Variants in PDGFC observed in about 807,000 individuals in gnomAD.
PDGFC encodes the protein platelet-derived growth factor C.
Under a neutral mutation model 35.5 loss-of-function variants are expected in PDGFC, and 12 were observed. That is an observed-to-expected ratio of 0.34 (90% CI 0.22 to 0.55). The LOEUF (loss-of-function observed/expected upper bound fraction) is 0.55, where lower values mean the gene tolerates loss of function less well. Among genes scored for constraint, PDGFC ranks in the 20% least tolerant of loss-of-function variants. The pLI, the probability that PDGFC is intolerant of heterozygous loss-of-function variation, is 0.91. For synonymous variants in PDGFC, 159 were observed against 148.8 expected (o/e 1.07, Z -0.50); for missense variants, 322 against 412.4 (o/e 0.78, Z 1.90).
intron 1 of PDGFC, among the ~76,000 whole-genome samples, chr4:156,939,109 T>C (rs1012553661): frequency 1.3e-5 from 2 of 152,018 alleles, no homozygotes; most frequent in Non-Finnish European, 2.9e-5. Flanking sequence ...AGCCTTAAGA[T>C]GAATAAAGGC....
intron 3 of PDGFC, among the ~76,000 whole-genome samples, chr4:156,805,547 G>A (rs899314530): frequency 4.6e-5 from 7 of 151,926 alleles, no homozygotes; most frequent in African/African-American, 1.7e-4. Flanking sequence ...CTGTAGGATT[G>A]GTGTTATTAT....
At chr4:156,780,625 G>A (rs543556399) in intron 3 of PDGFC, among the ~76,000 whole-genome samples, 4 of 152,276 alleles carry the variant, frequency 2.6e-5, no homozygotes, top group African/African-American at 9.6e-5. Flanking sequence ...TTGAGTGGAA[G>A]GCCTTACTTT....
At position 156,850,101 on chromosome 4, in the gene PDGFC, C is replaced by CT. The variant is rs959942161; in HGVS notation, c.314+119dup. 8.6e-5 allele frequency: 45 copies of CT among 523,566 alleles called. No homozygotes were observed. The Admixed American group carries it at 1.2e-3, about 14-fold the overall frequency. The allele number at this position is 523,566 out of a possible 1,614,324, so 32.4% of individuals were successfully genotyped here. A position where few individuals can be genotyped will look rare whatever the true frequency, so the allele number is the denominator to read the frequency against. On this transcript the variant is annotated intron_variant, in intron 2 of 5. Transcript: ENST00000502773. ...ATAGCTTCAATAAGGCTGGAAATTTCTTAGATCATCAGAAAAATAAAACAA... is the reference window on the plus strand; with the variant it reads ...ATAGCTTCAATAAGGCTGGAAATTTCTTTAGATCATCAGAAAAATAAAACAA...
At chr4:156,927,069 C>T (rs1283777514) in intron 1 of PDGFC, among the ~76,000 whole-genome samples, 2 of 152,208 alleles carry the variant, frequency 1.3e-5, no homozygotes, top group Non-Finnish European at 2.9e-5. Flanking sequence ...CATGTGGAAG[C>T]TGCAAGGTTT....
Position 156,875,529 on chromosome 4 carries a change from A to G in PDGFC, c.119-25113T>C, listed in dbSNP as rs539586482. On this transcript the variant is annotated intron_variant, in intron 1 of 5. Coordinates refer to ENST00000502773, the MANE Select transcript of PDGFC (RefSeq NM_016205.3). The stretch of plus-strand genomic sequence containing the variant: ...GTCTCTTCATTCAAGCAAGGTAAAT[A>G]GTAAAATAAATATATGAAGACTATG... Among the ~76,000 whole-genome samples the G allele has an allele frequency of 1.1e-3, 175 of 152,340 alleles. 1 individual carries two copies. The highest frequency in any genetic ancestry group is 2.3e-3 in the Non-Finnish European group (155 of 68,026).
intron 1 of PDGFC, among the ~76,000 whole-genome samples, chr4:156,913,418 A>C (rs2110813337): frequency 6.6e-6 from 1 of 152,282 alleles, no homozygotes; most frequent in Non-Finnish European, 1.5e-5. Flanking sequence ...TGACTACAAT[A>C]TCCTGAAAAA....
chr4:156,790,487 A>G (rs1731266630), intron 3 of PDGFC, among the ~76,000 whole-genome samples: 1 of 152,226 alleles, frequency 6.6e-6, no homozygotes, highest in Non-Finnish European at 1.5e-5. Flanking sequence ...GAGATTGTGA[A>G]TCAGATGGAA....
At chr4:156,799,398 GA>G (rs1163804481) in intron 3 of PDGFC, among the ~76,000 whole-genome samples, 18 of 150,694 alleles carry the variant, frequency 1.2e-4, no homozygotes, top group Middle Eastern at 3.4e-3. Flanking sequence ...GCAAAAAGCC[GA>G]AAAAAAAATT....
intron 1 of PDGFC, among the ~76,000 whole-genome samples, chr4:156,928,746 T>C (rs1401124028): frequency 2.0e-5 from 3 of 152,242 alleles, no homozygotes; most frequent in Middle Eastern, 3.2e-3. Context: ...AAAGACTGTT[T>C]AGTATACAAC....
At chr4:156,923,958 A>G (rs1731348291) in intron 1 of PDGFC, among the ~76,000 whole-genome samples, 1 of 152,184 alleles carries the variant, frequency 6.6e-6, no homozygotes, top group Non-Finnish European at 1.5e-5. Context: ...AGGAAATAGT[A>G]AAAAAGACTG....
At chr4:156,844,964 G>T (rs938106968) in intron 2 of PDGFC, among the ~76,000 whole-genome samples, 2 of 151,796 alleles carry the variant, frequency 1.3e-5, no homozygotes, top group Non-Finnish European at 2.9e-5. Context: ...ATACACTACT[G>T]CAAAAACATG....
chr4:156,945,342 C>CATACATATATAT (rs1328692309), intron 1 of PDGFC, among the ~76,000 whole-genome samples: 12 of 81,076 alleles, frequency 1.5e-4, no homozygotes, highest in East Asian at 2.9e-4. Context: ...CATATACATA[C>CATACATATATAT]ATATATATAT....
chr4:156,924,395 T>C (rs529741078), intron 1 of PDGFC, among the ~76,000 whole-genome samples: 5 of 152,326 alleles, frequency 3.3e-5, no homozygotes, highest in African/African-American at 1.2e-4. Flanking sequence ...CCTGCTTTCC[T>C]AGTTCTCAAA....
intron 2 of PDGFC, among the ~76,000 whole-genome samples, chr4:156,822,055 T>A (rs968062386): frequency 1.3e-5 from 2 of 152,094 alleles, no homozygotes; most frequent in African/African-American, 2.4e-5. Flanking sequence ...AAAACCTGAA[T>A]ATCAGGGATA....
intron 1 of PDGFC, among the ~76,000 whole-genome samples, chr4:156,944,294 G>A (rs921010904): frequency 6.6e-6 from 1 of 152,024 alleles, no homozygotes; most frequent in African/African-American, 2.4e-5. Context: ...CACTGAGTAT[G>A]TCTTAGCTAT....
chr4:156,776,310 G>A (rs1730828052), intron 3 of PDGFC, among the ~76,000 whole-genome samples: 1 of 152,126 alleles, frequency 6.6e-6, no homozygotes, highest in Non-Finnish European at 1.5e-5. Context: ...AATACGCCTT[G>A]ACTTGGATTT....
intron 5 of PDGFC, among the ~76,000 whole-genome samples, chr4:156,765,227 A>G (rs1333127556): frequency 1.3e-5 from 2 of 152,192 alleles, no homozygotes; most frequent in African/African-American, 2.4e-5. Context: ...TGGTGGAGAA[A>G]AATAGACTTG....
chr4:156,830,399 C>T (rs781239466), intron 2 of PDGFC, among the ~76,000 whole-genome samples: 4 of 152,166 alleles, frequency 2.6e-5, no homozygotes, highest in Non-Finnish European at 5.9e-5. Flanking sequence ...CATCCTTTCC[C>T]TGCCCCCACC....
intron 2 of PDGFC, among the ~76,000 whole-genome samples, chr4:156,811,990 A>G (rs1731944990): frequency 6.6e-6 from 1 of 152,104 alleles, no homozygotes; most frequent in Non-Finnish European, 1.5e-5. Flanking sequence ...TGCAAATTCT[A>G]CTACAGTTCA....
Sources: gnomAD v4.1 joint callset for allele counts (sites outside exome capture counted in the v4.1 genomes callset) on GRCh38, gnomAD v4.1.1 for gene constraint, MANE v1.5 for transcripts, NCBI Gene and HGNC (gene_info 2026-07-23, HGNC 2026-07-21) for gene names.